The following GPRC5A variants were observed in gnomAD, a reference collection of about 807,000 sequenced individuals.
The protein encoded by GPRC5A is retinoic acid-induced protein 3.
Under a neutral mutation model 22.5 loss-of-function variants are expected in GPRC5A, and 19 were observed. The observed-to-expected ratio is 0.85, with a 90% CI of 0.59 to 1.24. The LOEUF (loss-of-function observed/expected upper bound fraction) is 1.24, where lower values mean the gene tolerates loss of function less well. GPRC5A is among the 50% of genes most tolerant of loss of function. The pLI, the probability that GPRC5A is intolerant of heterozygous loss-of-function variation, is 0.00. For missense variants in GPRC5A, 471 were observed against 451.1 expected (o/e 1.04, Z -0.40); for synonymous variants, 192 against 184.5 (o/e 1.04, Z -0.33).
At chr12:12,910,255 A>G (rs1863990502) in intron 2 of GPRC5A, among the ~76,000 whole-genome samples, 1 of 152,110 alleles carries the variant, frequency 6.6e-6, no homozygotes, top group African/African-American at 2.4e-5. Flanking sequence ...CACTGCAGCT[A>G]TGGTCCCTGT....
chr12:12,909,217 G>C (rs200420554), intron 2 of GPRC5A, 46 bp downstream of exon 2: 6 of 1,288,212 alleles, frequency 4.7e-6, no homozygotes, highest in South Asian at 1.4e-5. Context: ...GTAGAAAGGT[G>C]GGGGAGAATC....
At chr12:12,897,979 T>G (rs1863841068) in intron 1 of GPRC5A, among the ~76,000 whole-genome samples, 1 of 152,176 alleles carries the variant, frequency 6.6e-6, no homozygotes, top group Non-Finnish European at 1.5e-5. Context: ...GGTTCTGTCC[T>G]TGGCTTCCCA....
At chr12:12,894,729 G>A (rs529743511) in intron 1 of GPRC5A, among the ~76,000 whole-genome samples, 18 of 137,724 alleles carry the variant, frequency 1.3e-4, no homozygotes, top group Middle Eastern at 4.4e-3. Flanking sequence ...TTTGTTTTAC[G>A]TATTTTGGTG....
At chr12:12,900,292 A>G (rs1863867666) in intron 1 of GPRC5A, among the ~76,000 whole-genome samples, 2 of 152,152 alleles carry the variant, frequency 1.3e-5, no homozygotes, top group African/African-American at 4.8e-5. Context: ...TGAGGGGGAG[A>G]AAGAAAGACA....
At chr12:12,902,857 C>A (rs546373757) in intron 1 of GPRC5A, among the ~76,000 whole-genome samples, 1 of 152,210 alleles carries the variant, frequency 6.6e-6, no homozygotes, top group Non-Finnish European at 1.5e-5. Context: ...CAGCTGAGGT[C>A]GGGTATTTGA....
chr12:12,912,113 G>A lies in GPRC5A; in HGVS notation c.952G>A (p.Ala318Thr), dbSNP rs146950256. The change falls in exon 3 of 4, where the codon GCC (alanine) becomes ACC (threonine). Residue 318 changes from alanine (A) to threonine (T), a missense_variant. Coordinates refer to ENST00000014914, the MANE Select transcript of GPRC5A (RefSeq NM_003979.4). ...TGAAGAGACAGGGGACACGCTCTAT[G>A]CCCCCTATTCCACACATTTTCAGCT... is the stretch of plus-strand genomic sequence containing the variant. The part of the protein sequence containing the change: ...GFEETGDTLY[A>T]PYSTHFQLQN... The A allele has an allele frequency of 3.1e-6, 5 of 1,613,092 alleles. No individual in the cohort carries two copies. In the African/African-American group the frequency reaches 6.7e-5, roughly 22 times the overall value.
chr12:12,895,689 T>C (rs1432897553), intron 1 of GPRC5A, among the ~76,000 whole-genome samples: 1 of 151,448 alleles, frequency 6.6e-6, no homozygotes, highest in African/African-American at 2.4e-5. Flanking sequence ...GATAGTATAC[T>C]AGTAGAGGGC....
rs149436243 is a variant in GPRC5A, at chr12:12,915,813, G to A, written c.*3274G>A. The A allele has an allele frequency of 3.9e-4, 201 of 513,728 alleles. 1 individual carries two copies. Among genetic ancestry groups the A allele is most frequent in the African/African-American group, 3.7e-3 (189 of 51,522 alleles). The allele number at this position is 513,728 out of a possible 1,614,324, so 31.8% of individuals were successfully genotyped here. The stretch of plus-strand genomic sequence containing the variant: ...TTACAGGCATGAGCCACCGCGCCCG[G>A]CCCCGTTGTTTCCCTTCTAAGAAAC... On this transcript the variant is annotated 3_prime_UTR_variant, in exon 4 of 4. Coordinates refer to ENST00000014914, the MANE Select transcript of GPRC5A (RefSeq NM_003979.4).
intron 2 of GPRC5A, among the ~76,000 whole-genome samples, chr12:12,910,479 G>A (rs527647026): frequency 1.3e-5 from 2 of 152,136 alleles, no homozygotes; most frequent in Admixed American, 1.3e-4. Context: ...ATGCTTTGCT[G>A]CTCACTTTCC....
rs573490668 is a variant in GPRC5A at position 12,902,488 on chromosome 12, C to T, written c.-7-5755C>T. On this transcript the variant is annotated intron_variant, in intron 1 of 3. Coordinates refer to ENST00000014914, the MANE Select transcript of GPRC5A (RefSeq NM_003979.4). Reference sequence around the variant, plus strand: ...TTTTAGAGAGACGTTCTAGACTGGACATGGGGGCTCACACCTGTAATCCCA... The same window carrying T: ...TTTTAGAGAGACGTTCTAGACTGGATATGGGGGCTCACACCTGTAATCCCA... Among the ~76,000 whole-genome samples the T allele has an allele frequency of 2.2e-4, 34 of 152,112 alleles. No individual in the cohort carries two copies. The South Asian group carries it at 5.6e-3, about 25-fold the overall frequency.
intron 1 of GPRC5A, among the ~76,000 whole-genome samples, chr12:12,902,627 A>G (rs1208705607): frequency 6.6e-6 from 1 of 151,998 alleles, no homozygotes. Flanking sequence ...AAAATTAGCC[A>G]GGTGTGGTGG....
intron 1 of GPRC5A, among the ~76,000 whole-genome samples, chr12:12,906,534 G>C (rs1321458034): frequency 6.6e-6 from 1 of 152,116 alleles, no homozygotes; most frequent in East Asian, 1.9e-4. Context: ...GATCCAGCCT[G>C]GGTGACAGAG....
Position 12,913,299 on chromosome 12 carries a change from G to C in GPRC5A, c.*760G>C. On this transcript the variant is annotated 3_prime_UTR_variant, in exon 4 of 4. Transcript: ENST00000014914. Reference sequence around the variant, plus strand: ...TGCTGCCTCACATTGGGCCTCAGCAGCTCCCCAGCACCAATTCACAGGTCA... The same window carrying C: ...TGCTGCCTCACATTGGGCCTCAGCACCTCCCCAGCACCAATTCACAGGTCA... The C allele has an allele frequency of 6.5e-6, 1 of 153,032 alleles. No individual in the cohort carries two copies. The allele number at this position is 153,032 out of a possible 1,614,324, so 9.5% of individuals were successfully genotyped here.
At chr12:12,892,217 C>G (rs2136453478) in intron 1 of GPRC5A, among the ~76,000 whole-genome samples, 1 of 152,244 alleles carries the variant, frequency 6.6e-6, no homozygotes, top group Non-Finnish European at 1.5e-5. Context: ...CTCTGGTGTG[C>G]CTTGAGTTGC....
chr12:12,912,354 A>C (rs1864013790), intron 3 of GPRC5A, 93 bp from the exon 4 acceptor site: 2 of 935,174 alleles, frequency 2.1e-6, no homozygotes, highest in East Asian at 4.8e-5. Context: ...GCCTGGGAGA[A>C]AGGGAAGGAA....
At chr12:12,911,637 C>T (rs922888606) in intron 2 of GPRC5A, among the ~76,000 whole-genome samples, 2 of 151,864 alleles carry the variant, frequency 1.3e-5, no homozygotes, top group Non-Finnish European at 2.9e-5. Context: ...TACAGGTGCC[C>T]GCCACCACGC....
intron 1 of GPRC5A, among the ~76,000 whole-genome samples, chr12:12,906,907 A>G (rs912197224): frequency 1.8e-4 from 27 of 152,034 alleles, no homozygotes; most frequent in African/African-American, 6.5e-4. Context: ...AAAATACAAA[A>G]TTAGCTGGGC....
rs1266888394 is a variant in GPRC5A at position 12,908,899 on chromosome 12, T to C, written c.650T>C (p.Met217Thr). 1 of 1,614,182 alleles carries C rather than the reference T, an allele frequency of 6.2e-7. No homozygotes were observed. The highest frequency in any genetic ancestry group is 1.3e-5 in the African/African-American group (1 of 75,062). ...CATGGGGCCCACATCTACCTCACGA[T>C]GCTCCTCTCCATTGCCATCTGGGTG... ...KRHGAHIYLT[M>T]LLSIAIWVAW... The change falls in exon 2 of 4, where the codon ATG (methionine) becomes ACG (threonine). Residue 217 changes from methionine (M) to threonine (T), a missense_variant. Transcript: ENST00000014914.
At chr12:12,912,227 C>A (rs779172251) in intron 3 of GPRC5A, 85 bp downstream of exon 3, 2 of 1,058,130 alleles carry the variant, frequency 1.9e-6, no homozygotes, top group South Asian at 1.3e-5. Context: ...TGTTACCTTT[C>A]TCATGGCCCC....
Sources: gnomAD v4.1 joint callset for allele counts (sites outside exome capture counted in the v4.1 genomes callset) on GRCh38, gnomAD v4.1.1 for gene constraint, MANE v1.5 for transcripts, NCBI Gene and HGNC (gene_info 2026-07-23, HGNC 2026-07-21) for gene names.